The following NDUFA3 variants were observed in gnomAD, a reference collection of about 807,000 sequenced individuals.
NDUFA3 encodes the protein NADH:ubiquinone oxidoreductase subunit A3.
NDUFA3 carries 10 observed loss-of-function variants against 11.4 expected under a neutral mutation model. The ratio of observed to expected loss-of-function variants is 0.87; its 90% CI spans 0.54 to 1.48. The LOEUF (loss-of-function observed/expected upper bound fraction) is 1.48. Ranked by LOEUF, NDUFA3 falls within the 40% of genes most tolerant of loss-of-function variation. NDUFA3 has a pLI of 0.00. For synonymous variants in NDUFA3, 39 were observed against 46.9 expected (o/e 0.83, Z 0.68); for missense variants, 115 against 110.5 (o/e 1.04, Z -0.18).
chr19:54,104,910 G>A (rs1265400438), intron 2 of NDUFA3, among the ~76,000 whole-genome samples: 1 of 151,904 alleles, frequency 6.6e-6, no homozygotes, highest in African/African-American at 2.4e-5. Flanking sequence ...GGCTGTTTTT[G>A]TATTTTCAGT....
chr19:54,105,445 C>G (rs1372880513), intron 2 of NDUFA3, among the ~76,000 whole-genome samples: 1 of 151,018 alleles, frequency 6.6e-6, no homozygotes, highest in Non-Finnish European at 1.5e-5. Flanking sequence ...ATTTTCGTAT[C>G]TTTAGTAGAG....
At chr19:54,105,007 G>A (rs1400637656) in intron 2 of NDUFA3, among the ~76,000 whole-genome samples, 1 of 151,936 alleles carries the variant, frequency 6.6e-6, no homozygotes, top group Non-Finnish European at 1.5e-5. Context: ...TAAAGTCCTG[G>A]GATTATAGGC....
chr19:54,103,133 G>C lies in NDUFA3; in HGVS notation c.30G>C (p.Lys10Asn). The change falls in exon 2 of 4, where the codon AAG becomes AAC. Residue 10 changes from lysine (K) to asparagine (N), a missense_variant. Coordinates refer to ENST00000485876, the MANE Select transcript of NDUFA3 (RefSeq NM_004542.4). Reference sequence around the variant, plus strand: ...CTTCAGGAGTCGGCGCCTTCCTCAAGAATGCCTGGGACAAGGAGCCAGTGC... The same window carrying C: ...CTTCAGGAGTCGGCGCCTTCCTCAACAATGCCTGGGACAAGGAGCCAGTGC... MAARVGAFL[K>N]NAWDKEPVLV... is the part of the protein sequence containing the mutation. 6.2e-7 allele frequency: 1 copy of C among 1,612,098 alleles called. No individual in the cohort carries two copies. Among genetic ancestry groups the C allele is most frequent in the East Asian group, 2.2e-5 (1 of 44,838 alleles).
rs1381666926 is a variant in NDUFA3 at position 54,102,906 on chromosome 19, T to C, written c.10+18T>C. ...GGCTGCGAGTAAGTGCAGGTGCCGG[T>C]GGCGCACGGGGCTCGGGTAGTTCTG... is the stretch of plus-strand genomic sequence containing the variant. On this transcript the variant is annotated intron_variant, in intron 1 of 3. Transcript: ENST00000485876. 1 of 1,609,358 alleles carries C rather than the reference T, an allele frequency of 6.2e-7. No homozygotes were observed. Among genetic ancestry groups the C allele is most frequent in the African/African-American group, 1.3e-5 (1 of 74,784 alleles).
chr19:54,103,050 G>T, intron 1 of NDUFA3, 64 bp from the exon 2 acceptor site: 1 of 1,571,572 alleles, frequency 6.4e-7, no homozygotes, highest in Non-Finnish European at 8.7e-7. Flanking sequence ...GGGGTGGCAC[G>T]AGAGGGTTAG....
rs73611023 is a variant in NDUFA3 at position 54,107,187 on chromosome 19, C to T, written c.*285C>T. ...ACCTTAATCTGCAGGAGATAAGGAA[C>T]AAGGTGTTAACAGGCCTGGGAATCT... is the stretch of plus-strand genomic sequence containing the variant. On this transcript the variant is annotated 3_prime_UTR_variant, in exon 4 of 4. Transcript: ENST00000485876. 3.1e-3 allele frequency: 4,930 copies of T among 1,609,254 alleles called. 116 individuals are homozygous for T. In the African/African-American group the frequency reaches 0.052, roughly 17 times the overall value.
Position 54,107,103 on chromosome 19 carries a change from C to T in NDUFA3, c.*201C>T, listed in dbSNP as rs1283536632. On this transcript the variant is annotated 3_prime_UTR_variant, in exon 4 of 4. Coordinates refer to ENST00000485876, the MANE Select transcript of NDUFA3 (RefSeq NM_004542.4). Reference sequence around the variant, plus strand: ...GGGTAGGGCAGCAGTTTGTCTGGACCCCGAGAAACCCAACTGGAATCCAGG... The same window carrying T: ...GGGTAGGGCAGCAGTTTGTCTGGACTCCGAGAAACCCAACTGGAATCCAGG... 1 of 1,613,680 alleles carries T rather than the reference C, an allele frequency of 6.2e-7. No individual in the cohort carries two copies.
intron 3 of NDUFA3, chr19:54,106,483 C>T: frequency 1.0e-5 from 4 of 399,392 alleles, no homozygotes; most frequent in Non-Finnish European, 1.8e-5. Flanking sequence ...CTTCGAGTTT[C>T]TATTACCTTT....
chr19:54,105,264 CTT>C lies in NDUFA3; in HGVS notation c.86-650_86-649del, dbSNP rs796770972. ...ACCCTTTCTCCTCCAGTTTGTAAGGCTTTTTTTTTTTTTTTTTTTTTGGTGAT... is the reference window on the plus strand; with the variant it reads ...ACCCTTTCTCCTCCAGTTTGTAAGGCTTTTTTTTTTTTTTTTTTTGGTGAT... On this transcript the variant is annotated intron_variant, in intron 2 of 3. Transcript: ENST00000485876. 4.4e-4 allele frequency among the ~76,000 whole-genome samples: 31 copies of C among 71,258 alleles called. 1 individual carries two copies. The East Asian group carries it at 7.2e-3, about 17-fold the overall frequency. The allele number at this position is 71,258 out of a possible 152,430, so 46.7% of individuals were successfully genotyped here.
chr19:54,106,767 C>A (rs771948443), intron 3 of NDUFA3, 44 bp from the exon 4 acceptor site: 66 of 1,532,328 alleles, frequency 4.3e-5, no homozygotes, highest in Non-Finnish European at 5.5e-5. Flanking sequence ...TCTCCAGGGC[C>A]CTGGAGACGT....
At chr19:54,105,575 G>T (rs893339198) in intron 2 of NDUFA3, 6 of 470,048 alleles carry the variant, frequency 1.3e-5, no homozygotes, top group African/African-American at 1.2e-4. Context: ...GGCCAAATTT[G>T]TAACAGTCTT....
chr19:54,104,110 G>A (rs587667439), intron 2 of NDUFA3, among the ~76,000 whole-genome samples: 1 of 149,070 alleles, frequency 6.7e-6, no homozygotes, highest in Non-Finnish European at 1.5e-5. Context: ...TGGGATTACA[G>A]GCGTGAGCCA....
rs2073142658 is a variant in NDUFA3, at chr19:54,103,201, TC to T, written c.85+15del. 1 of 1,583,244 alleles carries T rather than the reference TC, an allele frequency of 6.3e-7. No individual in the cohort carries two copies. The highest frequency in any genetic ancestry group is 1.3e-5 in the African/African-American group (1 of 74,172). On this transcript the variant is annotated intron_variant, in intron 2 of 3. Transcript: ENST00000485876. ...GTCGGGGGCCTCGGTGCGTGAGTGC[TC>T]CAGGCGCAAACTTGCATCGTCCACC...
At chr19:54,103,712 A>T (rs1448288207) in intron 2 of NDUFA3, among the ~76,000 whole-genome samples, 1 of 150,570 alleles carries the variant, frequency 6.6e-6, no homozygotes, top group South Asian at 2.1e-4. Flanking sequence ...ATGGAGTCTC[A>T]CTCTCACCCA....
chr19:54,105,263 G>GATTTTTTTTTTTTTTTTTTTTTT (rs1201834834), intron 2 of NDUFA3, among the ~76,000 whole-genome samples: 14 of 38,998 alleles, frequency 3.6e-4, no homozygotes, highest in Admixed American at 5.2e-4. Context: ...AGTTTGTAAG[G>GATTTTTTTTTTTTTTTTTTTTTT]CTTTTTTTTT....
intron 3 of NDUFA3, 170 bp from the exon 4 acceptor site, chr19:54,106,641 T>C: frequency 1.9e-6 from 1 of 528,144 alleles, no homozygotes; most frequent in Middle Eastern, 2.8e-4. Context: ...GTTTTCCGTG[T>C]CTCTCAGTCT....
At chr19:54,104,092 C>G (rs1252041172) in intron 2 of NDUFA3, among the ~76,000 whole-genome samples, 1 of 151,414 alleles carries the variant, frequency 6.6e-6, no homozygotes, top group Non-Finnish European at 1.5e-5. Flanking sequence ...CTCGGTCTCC[C>G]AAAGTGCTGG....
At position 54,103,164 on chromosome 19, in the gene NDUFA3, G is replaced by C. The variant is rs373312737; in HGVS notation, c.61G>C (p.Val21Leu). The change falls in exon 2 of 4, where the codon GTG becomes CTG. Residue 21 changes from valine to leucine, a missense_variant. By Grantham distance (32) the Val-to-Leu change is conservative. Transcript: ENST00000485876. ...NAWDKEPVLVVSFVVGGLAVI... is the reference protein window; with the variant it reads ...NAWDKEPVLVLSFVVGGLAVI... ...CTGGGACAAGGAGCCAGTGCTGGTC[G>C]TGTCCTTCGTCGTCGGGGGCCTCGG... 841 of 1,602,190 alleles carry C rather than the reference G, an allele frequency of 5.2e-4. 19 individuals are homozygous for C. The South Asian group carries it at 8.8e-3, about 17-fold the overall frequency.
intron 3 of NDUFA3, 190 bp downstream of exon 3, chr19:54,106,201 T>G: frequency 6.6e-6 from 4 of 607,042 alleles, no homozygotes; most frequent in Non-Finnish European, 1.1e-5. Flanking sequence ...TCGTTTTTGT[T>G]TTTTGGGGTT....
Sources: allele counts gnomAD v4.1 joint callset (sites outside exome capture counted in the v4.1 genomes callset), GRCh38; gene constraint gnomAD v4.1.1; transcripts MANE v1.5; gene names NCBI Gene and HGNC (gene_info 2026-07-23, HGNC 2026-07-21).